The following RBFOX1 variants were observed in gnomAD, a reference collection of about 807,000 sequenced individuals.
RBFOX1 encodes RNA binding protein fox-1 homolog 1.
A neutral mutation model predicts 57.7 loss-of-function variants in RBFOX1; 8 were observed. That is an observed-to-expected ratio of 0.14 (90% CI 0.08 to 0.25). The LOEUF is 0.25. Ranked by LOEUF, RBFOX1 falls within the 10% of genes least tolerant of loss-of-function variation. The pLI is 1.00. For missense variants in RBFOX1, 611 were observed against 548.5 expected (o/e 1.11, Z -1.14); for synonymous variants, 326 against 222.4 (o/e 1.47, Z -4.15).
At chr16:6,993,921 C>G (rs1031343782) in intron 3 of RBFOX1, among the ~76,000 whole-genome samples, 1 of 152,088 alleles carries the variant, frequency 6.6e-6, no homozygotes, top group Non-Finnish European at 1.5e-5. Context: ...TTGATTGTAG[C>G]CAATAAGTGC....
At chr16:5,979,789 G>C (rs2060136173) in intron 4 of RBFOX1, among the ~76,000 whole-genome samples, 1 of 152,056 alleles carries the variant, frequency 6.6e-6, no homozygotes, top group African/African-American at 2.4e-5. Context: ...TTGAACCCGG[G>C]AGGCAGAGGT....
intron 1 of RBFOX1, among the ~76,000 whole-genome samples, chr16:5,386,502 C>T (rs1304960158): frequency 6.6e-6 from 1 of 152,136 alleles, no homozygotes; most frequent in Non-Finnish European, 1.5e-5. Flanking sequence ...CTGCTTTCCC[C>T]CCGTAAATCA....
intron 4 of RBFOX1, among the ~76,000 whole-genome samples, chr16:7,437,924 C>T (rs772924713): frequency 6.7e-6 from 1 of 149,106 alleles, no homozygotes. Context: ...AAAAAAAGCA[C>T]ACCGCGATCA....
intron 4 of RBFOX1, among the ~76,000 whole-genome samples, chr16:7,230,554 A>C (rs1396766600): frequency 6.6e-6 from 1 of 152,164 alleles, no homozygotes; most frequent in African/African-American, 2.4e-5. Context: ...CAGTCAATGA[A>C]GGAAAGGAAA....
intron 1 of RBFOX1, among the ~76,000 whole-genome samples, chr16:5,372,093 C>G (rs1016622954): frequency 6.6e-6 from 1 of 152,156 alleles, no homozygotes; most frequent in African/African-American, 2.4e-5. Flanking sequence ...CCTTTGCAGC[C>G]CAGTGGGTCT....
chr16:6,847,552 GGGA>G (rs1314374720), intron 3 of RBFOX1, among the ~76,000 whole-genome samples: 1 of 152,106 alleles, frequency 6.6e-6, no homozygotes, highest in Non-Finnish European at 1.5e-5. Flanking sequence ...TCAAGGTGTA[GGGA>G]AGTGTGGTCC....
intron 4 of RBFOX1, among the ~76,000 whole-genome samples, chr16:7,516,768 T>A (rs2076448053): frequency 6.6e-6 from 1 of 152,210 alleles, no homozygotes; most frequent in African/African-American, 2.4e-5. Context: ...AGTGTCATCT[T>A]TAACATTCTA....
Position 7,029,358 on chromosome 16 carries a change from C to A in RBFOX1, c.-15-22699C>A, listed in dbSNP as rs1207156011. Among the ~76,000 whole-genome samples, 4 of 149,532 alleles carry A rather than the reference C, an allele frequency of 2.7e-5. No homozygotes were observed. In the East Asian group the frequency reaches 8.0e-4, roughly 30 times the overall value. Reference sequence around the variant, plus strand: ...CAGAAGAGATTGGAAAGCTCTTTGGCCCTGATAGAAGAAAGCTGATGCGTC... The same window carrying A: ...CAGAAGAGATTGGAAAGCTCTTTGGACCTGATAGAAGAAAGCTGATGCGTC... On this transcript the variant is annotated intron_variant, in intron 3 of 15. Transcript: ENST00000550418.
chr16:5,909,707 A>G (rs2152206819), intron 4 of RBFOX1, among the ~76,000 whole-genome samples: 1 of 152,248 alleles, frequency 6.6e-6, no homozygotes, highest in Non-Finnish European at 1.5e-5. Flanking sequence ...TGGCTGATTC[A>G]CCAAACTGGG....
At chr16:5,243,476 A>G (rs1279479043) in intron 1 of RBFOX1, among the ~76,000 whole-genome samples, 3 of 152,064 alleles carry the variant, frequency 2.0e-5, no homozygotes, top group Non-Finnish European at 2.9e-5. Context: ...CCGTCACAAC[A>G]CTTGGGGTGA....
intron 2 of RBFOX1, among the ~76,000 whole-genome samples, chr16:5,522,929 A>G (rs2151748018): frequency 6.6e-6 from 1 of 152,214 alleles, no homozygotes; most frequent in East Asian, 1.9e-4. Context: ...CATTTTCTAT[A>G]TTCATCCATC....
At chr16:7,239,935 T>A (rs1346738979) in intron 4 of RBFOX1, among the ~76,000 whole-genome samples, 1 of 152,174 alleles carries the variant, frequency 6.6e-6, no homozygotes, top group African/African-American at 2.4e-5. Context: ...GTAATCAAAT[T>A]CCAAAACTTC....
chr16:7,580,010 A>C, intron 6 of RBFOX1, 90 bp downstream of exon 6: 1 of 1,413,762 alleles, frequency 7.1e-7, no homozygotes, highest in Non-Finnish European at 9.8e-7. Flanking sequence ...TTACAATACT[A>C]AGGTTAGATG....
At chr16:5,881,868 C>T (rs912077804) in intron 4 of RBFOX1, among the ~76,000 whole-genome samples, 1 of 152,102 alleles carries the variant, frequency 6.6e-6, no homozygotes, top group Non-Finnish European at 1.5e-5. Flanking sequence ...ATGCACCAGG[C>T]ACTCTTCTAA....
chr16:5,988,170 A>G (rs2060318993), intron 4 of RBFOX1, among the ~76,000 whole-genome samples: 1 of 152,210 alleles, frequency 6.6e-6, no homozygotes, highest in Non-Finnish European at 1.5e-5. Context: ...GATTTTCAGG[A>G]GGTGCAAATG....
chr16:5,480,175 C>T lies in RBFOX1; in HGVS notation c.258+12921C>T, dbSNP rs575530127. On this transcript the variant is annotated intron_variant, in intron 2 of 2. Transcript: ENST00000585867. The stretch of plus-strand genomic sequence containing the variant: ...CTTGTGATCTAGGTTTTCTTTCATC[C>T]GGAGATGCATAAAAGAAATCCCTGC... 1.8e-4 allele frequency among the ~76,000 whole-genome samples: 27 copies of T among 152,246 alleles called. No homozygotes were observed. The South Asian group carries it at 3.3e-3, about 19-fold the overall frequency.
In RBFOX1 at chr16:6,125,056, G is replaced by A. The variant is rs185202644; in HGVS notation, c.-127+105064G>A. ...CTGCTGAATGACATCACCTAGACAAGTGATCCCCTCCTCAGAGTTCCCCAT... is the reference window on the plus strand; with the variant it reads ...CTGCTGAATGACATCACCTAGACAAATGATCCCCTCCTCAGAGTTCCCCAT... On this transcript the variant is annotated intron_variant, in intron 1 of 15. Transcript: ENST00000550418. 1.7e-3 allele frequency among the ~76,000 whole-genome samples: 259 copies of A among 152,176 alleles called. 1 individual carries two copies. The highest frequency in any genetic ancestry group is 5.8e-3 in the African/African-American group (241 of 41,516).
At chr16:7,643,141 A>G (rs1043891380) in intron 11 of RBFOX1, among the ~76,000 whole-genome samples, 2 of 152,216 alleles carry the variant, frequency 1.3e-5, no homozygotes, top group African/African-American at 4.8e-5. Context: ...CACCAATTCT[A>G]CTGCCTTCGC....
chr16:5,708,797 C>G (rs2051346224), intron 3 of RBFOX1, among the ~76,000 whole-genome samples: 2 of 152,118 alleles, frequency 1.3e-5, no homozygotes, highest in South Asian at 2.1e-4. Context: ...AAAGAAGTAG[C>G]TGTGAGATGA....
Sources: gnomAD v4.1 joint callset for allele counts (sites outside exome capture counted in the v4.1 genomes callset) on GRCh38, gnomAD v4.1.1 for gene constraint, MANE v1.5 for transcripts, NCBI Gene and HGNC (gene_info 2026-07-23, HGNC 2026-07-21) for gene names.